The following JARID2 variants were observed in gnomAD, a reference collection of about 807,000 sequenced individuals.
JARID2 encodes the protein protein Jumonji.
In JARID2, 21 loss-of-function variants were observed where a neutral mutation model predicts 125.6. That is an observed-to-expected ratio of 0.17 (90% CI 0.12 to 0.24). JARID2 has a LOEUF of 0.24. JARID2 is among the 10% of genes least tolerant of loss of function. The pLI, the probability that JARID2 is intolerant of heterozygous loss-of-function variation, is 1.00. For missense variants in JARID2, 1,303 were observed against 1,639.6 expected (o/e 0.79, Z 3.55); for synonymous variants, 736 against 661.6 (o/e 1.11, Z -1.73).
At chr6:15,517,900 C>T (rs1581677032) in intron 17 of JARID2, among the ~76,000 whole-genome samples, 1 of 152,196 alleles carries the variant, frequency 6.6e-6, no homozygotes, top group Non-Finnish European at 1.5e-5. Flanking sequence ...CGAGGAAGGT[C>T]GCCACATTGT....
intron 1 of JARID2, among the ~76,000 whole-genome samples, chr6:15,289,987 G>A (rs959383543): frequency 2.6e-5 from 4 of 152,204 alleles, no homozygotes; most frequent in African/African-American, 9.6e-5. Flanking sequence ...ATTTTTCTCA[G>A]ACAAATTAGT....
At chr6:15,383,228 T>C (rs1476779276) in intron 2 of JARID2, among the ~76,000 whole-genome samples, 7 of 151,940 alleles carry the variant, frequency 4.6e-5, no homozygotes, top group Non-Finnish European at 8.8e-5. Context: ...CTCAAACCCC[T>C]GGGCTTAAGC....
At chr6:15,512,458 A>ACG in intron 14 of JARID2, 68 bp downstream of exon 14, 2 of 1,436,056 alleles carry the variant, frequency 1.4e-6, no homozygotes, top group Non-Finnish European at 2.0e-6. Context: ...GTGAGCGCAC[A>ACG]CAGAAGCATC....
chr6:15,393,867 C>T (rs762122215), intron 2 of JARID2, among the ~76,000 whole-genome samples: 7 of 152,054 alleles, frequency 4.6e-5, no homozygotes, highest in African/African-American at 7.2e-5. Flanking sequence ...TTGAGAAAGA[C>T]GCAAAACTGC....
intron 1 of JARID2, among the ~76,000 whole-genome samples, chr6:15,357,510 T>G (rs1001565740): frequency 3.3e-5 from 5 of 152,216 alleles, no homozygotes; most frequent in Non-Finnish European, 7.3e-5. Context: ...GATGGACAAC[T>G]GTCTTACATG....
At chr6:15,443,535 A>AC (rs1158394472) in intron 3 of JARID2, among the ~76,000 whole-genome samples, 3 of 152,202 alleles carry the variant, frequency 2.0e-5, no homozygotes, top group Non-Finnish European at 4.4e-5. Flanking sequence ...AAAAGTCAGT[A>AC]TATTTTGCTG....
intron 1 of JARID2, among the ~76,000 whole-genome samples, chr6:15,255,553 CTT>C (rs1183637257): frequency 3.3e-5 from 5 of 152,242 alleles, no homozygotes; most frequent in Admixed American, 6.5e-5. Context: ...TTATTGATCT[CTT>C]AAAATCTTGG....
chr6:15,464,160 CGAG>C (rs960071972), intron 4 of JARID2, among the ~76,000 whole-genome samples: 10 of 152,176 alleles, frequency 6.6e-5, no homozygotes, highest in East Asian at 5.8e-4. Flanking sequence ...GCATTTGTCT[CGAG>C]GAGAAAAAAA....
At chr6:15,457,134 C>T (rs1486365061) in intron 4 of JARID2, among the ~76,000 whole-genome samples, 3 of 152,132 alleles carry the variant, frequency 2.0e-5, no homozygotes, top group Admixed American at 2.0e-4. Flanking sequence ...TCCTACTTAA[C>T]ACTGTCACAA....
At position 15,496,411 on chromosome 6, in the gene JARID2, G is replaced by T; in HGVS notation, c.1186G>T (p.Ala396Ser). Residue 396 changes from alanine (A) to serine (S), a missense_variant, in exon 7 of 18, where the codon GCG becomes TCG. Around this residue, in one of 11 missense-constraint regions of JARID2, gnomAD observed 651 missense variants for 581.6 expected, o/e 1.12. Coordinates refer to ENST00000341776, the MANE Select transcript of JARID2 (RefSeq NM_004973.4). Reference protein sequence around the residue: ...TRKQVLSLGGASKSTGPAVNG... With the variant: ...TRKQVLSLGGSSKSTGPAVNG... ...CAAACAGGTGCTATCCCTCGGGGGGGCGTCCAAGTCCACTGGGCCCGCCGT... is the reference window on the plus strand; with the variant it reads ...CAAACAGGTGCTATCCCTCGGGGGGTCGTCCAAGTCCACTGGGCCCGCCGT... The T allele has an allele frequency of 1.9e-6, 3 of 1,613,772 alleles. No individual in the cohort carries two copies. The highest frequency in any genetic ancestry group is 2.5e-6 in the Non-Finnish European group (3 of 1,179,912).
chr6:15,444,282 A>G (rs1195357870), intron 3 of JARID2, among the ~76,000 whole-genome samples: 1 of 152,194 alleles, frequency 6.6e-6, no homozygotes, highest in Non-Finnish European at 1.5e-5. Context: ...GCTTAGAAGG[A>G]TATGGTCTAT....
chr6:15,311,838 A>G (rs1261233550), intron 1 of JARID2, among the ~76,000 whole-genome samples: 2 of 152,062 alleles, frequency 1.3e-5, no homozygotes, highest in Non-Finnish European at 2.9e-5. Flanking sequence ...ATATTCTTTA[A>G]TAAGTCACTT....
chr6:15,511,721 C>T lies in JARID2; in HGVS notation c.2952+320C>T, dbSNP rs77516586. ...AGGAATGAGCACAAAGGCTTCTTCA[C>T]CTGTTTTCAGGAAGTCATGGGGCTG... On this transcript the variant is annotated intron_variant, in intron 13 of 17. Transcript: ENST00000341776. 2.8e-3 allele frequency among the ~76,000 whole-genome samples: 430 copies of T among 152,302 alleles called. 4 individuals carry two copies. The highest frequency in any genetic ancestry group is 9.8e-3 in the African/African-American group (407 of 41,568).
At chr6:15,254,078 G>A (rs1487907696) in intron 1 of JARID2, among the ~76,000 whole-genome samples, 1 of 152,182 alleles carries the variant, frequency 6.6e-6, no homozygotes, top group African/African-American at 2.4e-5. Context: ...GGGCAGTTTT[G>A]TCAGAAGTGT....
chr6:15,452,518 G>A lies in JARID2; in HGVS notation c.493+343G>A, dbSNP rs192112034. 2.0e-5 allele frequency among the ~76,000 whole-genome samples: 3 copies of A among 152,248 alleles called. No homozygotes were observed. The East Asian group carries it at 5.8e-4, about 29-fold the overall frequency. ...CACACATTGCTGACTTGTTTTGTAA[G>A]GCAGTTTTTTTTTGATGCAGGACTT... On this transcript the variant is annotated intron_variant, in intron 4 of 17. Transcript: ENST00000341776.
intron 1 of JARID2, among the ~76,000 whole-genome samples, chr6:15,321,769 T>C (rs933070835): frequency 5.4e-5 from 8 of 149,194 alleles, no homozygotes; most frequent in Admixed American, 3.4e-4. Flanking sequence ...AATTTTATAA[T>C]TGGAAGAATT....
At chr6:15,248,101 C>CT (rs1162965729) in intron 1 of JARID2, 1 of 984,976 alleles carries the variant, frequency 1.0e-6, no homozygotes, top group Non-Finnish European at 1.2e-6. Context: ...CGGATCGTGT[C>CT]TCCGAGTCCG....
At chr6:15,446,076 G>T (rs1767660452) in intron 3 of JARID2, among the ~76,000 whole-genome samples, 1 of 152,154 alleles carries the variant, frequency 6.6e-6, no homozygotes, top group African/African-American at 2.4e-5. Context: ...TTTCCTCTGA[G>T]TTGCCATTCA....
At chr6:15,445,994 G>A (rs930993185) in intron 3 of JARID2, among the ~76,000 whole-genome samples, 1 of 152,126 alleles carries the variant, frequency 6.6e-6, no homozygotes, top group African/African-American at 2.4e-5. Context: ...TTTACCTGGA[G>A]CACAACAATA....
Sources: allele counts gnomAD v4.1 joint callset (sites outside exome capture counted in the v4.1 genomes callset), GRCh38; gene constraint gnomAD v4.1.1; regional missense constraint gnomAD v4.1.1; transcripts MANE v1.5; gene names NCBI Gene and HGNC (gene_info 2026-07-23, HGNC 2026-07-21).